The following EPHB4 variants were observed in gnomAD, a reference collection of about 807,000 sequenced individuals.
EPHB4 encodes EPH receptor B4.
A neutral mutation model predicts 110.6 loss-of-function variants in EPHB4; 50 were observed. The ratio of observed to expected loss-of-function variants is 0.45; its 90% CI spans 0.36 to 0.57. The LOEUF is 0.57. EPHB4 is among the 20% of genes least tolerant of loss of function. The pLI, the probability that EPHB4 is intolerant of heterozygous loss-of-function variation, is 0.00. For synonymous variants in EPHB4, 592 were observed against 578.4 expected (o/e 1.02, Z -0.34); for missense variants, 1,128 against 1,382.1 (o/e 0.82, Z 2.91).
In EPHB4 at chr7:100,812,875, C is replaced by T. The variant is rs1562969219; in HGVS notation, c.1990G>A (p.Glu664Lys). Residue 664 changes from glutamate to lysine, a missense_variant, in exon 12 of 17, where the codon GAG becomes AAG. Coordinates refer to ENST00000358173, the MANE Select transcript of EPHB4 (RefSeq NM_004444.5). ...TCGAACTGGCCCATGATGGAGGCCT[C>T]GCTCAGAAACTCACGCCGCTGCCGC... is the stretch of plus-strand genomic sequence containing the variant. The part of the protein sequence containing the change: ...TERQRREFLS[E>K]ASIMGQFEHP... 1 of 1,614,240 alleles carries T rather than the reference C, an allele frequency of 6.2e-7. No individual in the cohort carries two copies. Among genetic ancestry groups the T allele is most frequent in the Non-Finnish European group, 8.5e-7 (1 of 1,180,044 alleles).
At chr7:100,818,411 A>G in intron 7 of EPHB4, 109 bp downstream of exon 7, 1 of 1,508,082 alleles carries the variant, frequency 6.6e-7, no homozygotes, top group Non-Finnish European at 9.0e-7. Flanking sequence ...CAGGGAATCC[A>G]TGGCAGAGCT....
intron 7 of EPHB4, 40 bp downstream of exon 7, chr7:100,818,480 C>T (rs372742122): frequency 5.0e-6 from 8 of 1,606,774 alleles, no homozygotes; most frequent in East Asian, 4.5e-5. Flanking sequence ...GAGAGCACAA[C>T]CCATTGCCCA....
At chr7:100,813,387 C>A in intron 10 of EPHB4, 179 bp from the exon 11 acceptor site, 1 of 613,498 alleles carries the variant, frequency 1.6e-6, no homozygotes, top group Non-Finnish European at 2.7e-6. Context: ...GCGATCTTGG[C>A]TCACTGCAAT....
At chr7:100,807,340 C>T (rs1183687211) in intron 13 of EPHB4, 25 bp downstream of exon 13, 1 of 1,610,582 alleles carries the variant, frequency 6.2e-7, no homozygotes, top group East Asian at 2.2e-5. Flanking sequence ...AAGAAGCTCA[C>T]ACCCAGTATT....
Position 100,822,126 on chromosome 7 carries a change from C to G in EPHB4, c.808+145G>C, listed in dbSNP as rs1181675476. The G allele has an allele frequency of 4.2e-6, 5 of 1,196,456 alleles. No homozygotes were observed. The Admixed American group carries it at 1.4e-4, about 34-fold the overall frequency. 74.1% of individuals were successfully genotyped at this position (1,196,456 alleles called of 1,614,324 possible). On this transcript the variant is annotated intron_variant, in intron 4 of 16. Coordinates refer to ENST00000358173, the MANE Select transcript of EPHB4 (RefSeq NM_004444.5). This position sits in a 1 kb window ranked among gnomAD's most constrained non-coding sequence, Gnocchi z 4.7. The stretch of plus-strand genomic sequence containing the variant: ...GGTTGCAGTTGAGCAGAGATTGTGC[C>G]ACTGCACTCCAGCCTGGGTGACAGA...
intron 8 of EPHB4, 82 bp downstream of exon 8, chr7:100,817,110 T>A (rs1584661137): frequency 1.7e-6 from 2 of 1,197,140 alleles, no homozygotes; most frequent in Non-Finnish European, 2.2e-6. Flanking sequence ...AAAAAGATGA[T>A]GGGACTTTGG....
chr7:100,817,835 T>C (rs1341137927), intron 7 of EPHB4, among the ~76,000 whole-genome samples: 3 of 150,242 alleles, frequency 2.0e-5, no homozygotes, highest in African/African-American at 7.3e-5. Flanking sequence ...CAGTCTAATT[T>C]TTTTCATTTT....
At chr7:100,810,252 A>T (rs1812898837) in intron 12 of EPHB4, among the ~76,000 whole-genome samples, 1 of 152,012 alleles carries the variant, frequency 6.6e-6, no homozygotes, top group Non-Finnish European at 1.5e-5. Flanking sequence ...CATCTCAAAA[A>T]ACAAACAAAC....
chr7:100,823,110 A>G (rs914456155), intron 3 of EPHB4, among the ~76,000 whole-genome samples: 5 of 152,076 alleles, frequency 3.3e-5, no homozygotes, highest in Non-Finnish European at 5.9e-5. Flanking sequence ...AACGTAGAAG[A>G]CCCCGCTTTA....
At chr7:100,806,708 T>C in intron 13 of EPHB4, 139 bp from the exon 14 acceptor site, 1 of 1,048,274 alleles carries the variant, frequency 9.5e-7, no homozygotes, top group South Asian at 1.7e-5. Context: ...TCCAACTCTG[T>C]TTGCCCAGGT....
At chr7:100,817,859 G>GTTTTTTTTTT (rs33978512) in intron 7 of EPHB4, among the ~76,000 whole-genome samples, 6 of 47,112 alleles carry the variant, frequency 1.3e-4, no homozygotes, top group East Asian at 8.7e-4. Context: ...TATTTTTTGC[G>GTTTTTTTTTT]TTTTTTTTTT....
Position 100,822,373 on chromosome 7 carries a change from T to G in EPHB4, c.706A>C (p.Ser236Arg), listed in dbSNP as rs1285371517. The G allele has an allele frequency of 4.4e-6, 7 of 1,575,684 alleles. No individual in the cohort carries two copies. The highest frequency in any genetic ancestry group is 1.3e-5 in the African/African-American group (1 of 74,366). The change falls in exon 4 of 17, where the codon AGC becomes CGC. Residue 236 changes from serine (S) to arginine (R), a missense_variant. By Grantham distance (110) the Ser-to-Arg change is moderately radical. Around this residue, in one of 3 missense-constraint regions of EPHB4, gnomAD observed 728 missense variants for 828.6 expected, o/e 0.88. Coordinates refer to ENST00000358173, the MANE Select transcript of EPHB4 (RefSeq NM_004444.5). This position sits in a 1 kb window ranked among gnomAD's most constrained non-coding sequence, Gnocchi z 4.7. The part of the protein sequence containing the change: ...DAVPAPGPSP[S>R]LYCREDGQWA... ...TGGCCATCCTCACGGCAGTAGAGGC[T>G]GGGGCTGGGGCCAGGGGCGGGGACG...
intron 14 of EPHB4, 130 bp downstream of exon 14, chr7:100,806,290 A>G (rs1584653542): frequency 3.5e-6 from 4 of 1,155,040 alleles, no homozygotes; most frequent in Non-Finnish European, 4.8e-6. Context: ...ACAAAGATCA[A>G]TTCTCCTTTT....
chr7:100,819,412 T>G (rs1428901212), intron 6 of EPHB4, 145 bp downstream of exon 6: 6 of 894,480 alleles, frequency 6.7e-6, no homozygotes, highest in Non-Finnish European at 1.0e-5. Flanking sequence ...GCCCAGCCAT[T>G]GCCCTCTTTC....
At position 100,803,579 on chromosome 7, in the gene EPHB4, C is replaced by A. The variant is rs373446670; in HGVS notation, c.2846G>T (p.Arg949Leu). ...VSQISAEDLL[R>L]IGVTLAGHQK... ...GTGTCCCGCCAGAGTGACTCCGATT[C>A]GGAGCAGGTCCCTGCAGAAGGAAAG... Residue 949 changes from arginine (R) to leucine (L), a missense_variant, in exon 17 of 17, where the codon CGA becomes CTA. Coordinates refer to ENST00000358173, the MANE Select transcript of EPHB4 (RefSeq NM_004444.5). The A allele has an allele frequency of 1.2e-6, 2 of 1,603,618 alleles. No individual in the cohort carries two copies. The highest frequency in any genetic ancestry group is 1.1e-5 in the South Asian group (1 of 89,482).
rs1183395132 is a variant in EPHB4 at position 100,802,606 on chromosome 7, C to CA, written c.*854dup. On this transcript the variant is annotated 3_prime_UTR_variant, in exon 17 of 17. Transcript: ENST00000358173. ...CACGTCCCATTTTCTTTTATTTATA[C>CA]AAAAAGTTACTTTTTTAAATATAAT... The CA allele has an allele frequency of 6.6e-6, 1 of 152,168 alleles. No individual in the cohort carries two copies. Among genetic ancestry groups the CA allele is most frequent in the African/African-American group, 2.4e-5 (1 of 41,440 alleles). The allele number at this position is 152,168 out of a possible 1,614,324, so 9.4% of individuals were successfully genotyped here.
Position 100,806,430 on chromosome 7 carries a change from C to T in EPHB4, c.2474G>A (p.Ser825Asn), listed in dbSNP as rs147110749. ...CCACGGGACACTTACGTCCTGATTG[C>T]TCATGTCCCAGTACGGCCTCTCCCC... ...SFGERPYWDM[S>N]NQDVINAIEQ... Residue 825 changes from serine (S) to asparagine (N), a missense_variant, in exon 14 of 17, where the codon AGC becomes AAC. Coordinates refer to ENST00000358173, the MANE Select transcript of EPHB4 (RefSeq NM_004444.5). The T allele has an allele frequency of 8.6e-5, 138 of 1,613,580 alleles. 1 individual carries two copies. The African/African-American group carries it at 1.1e-3, about 13-fold the overall frequency.
chr7:100,809,889 G>A (rs1812892420), intron 12 of EPHB4, among the ~76,000 whole-genome samples: 1 of 152,186 alleles, frequency 6.6e-6, no homozygotes, highest in African/African-American at 2.4e-5. Context: ...CAAGGAGGGT[G>A]GATGGCTTGA....
At chr7:100,806,163 T>C in intron 14 of EPHB4, 1 of 294,860 alleles carries the variant, frequency 3.4e-6, no homozygotes, top group South Asian at 9.6e-5. Flanking sequence ...TTTCACCATG[T>C]TGGCCAGGCT....
Sources: gnomAD v4.1 joint callset for allele counts (sites outside exome capture counted in the v4.1 genomes callset) on GRCh38, gnomAD v4.1.1 for gene constraint, gnomAD v4.1.1 regional missense constraint, Gnocchi (gnomAD v3.1) non-coding constraint, MANE v1.5 for transcripts, NCBI Gene and HGNC (gene_info 2026-07-23, HGNC 2026-07-21) for gene names.